EPHA6: variants seen among roughly 807,000 people sequenced by gnomAD.
The protein encoded by EPHA6 is ephrin type-A receptor 6.
A neutral mutation model predicts 112.0 loss-of-function variants in EPHA6; 50 were observed. The ratio of observed to expected loss-of-function variants is 0.45; its 90% CI spans 0.36 to 0.56. The LOEUF is 0.56. EPHA6 is among the 20% of genes least tolerant of loss of function. EPHA6 has a pLI of 0.00. For missense variants in EPHA6, 1,280 were observed against 1,417.4 expected, an observed-to-expected ratio of 0.90 and a Z score of 1.56; for synonymous variants, 529 against 490.7, an observed-to-expected ratio of 1.08 and a Z score of -1.03.
At chr3:96,934,472 C>T (rs896225183) in intron 2 of EPHA6, among the ~76,000 whole-genome samples, 3 of 151,322 alleles carry the variant, frequency 2.0e-5, no homozygotes, top group African/African-American at 7.3e-5. Context: ...ATTTTATTAA[C>T]CATGGTTTTA....
At chr3:97,482,150 G>A (rs545048104) in intron 9 of EPHA6, among the ~76,000 whole-genome samples, 85 of 152,280 alleles carry the variant, frequency 5.6e-4, no homozygotes, top group African/African-American at 1.9e-3. Flanking sequence ...AAAAAAATGT[G>A]ATATTTACTG....
intron 16 of EPHA6, among the ~76,000 whole-genome samples, chr3:97,739,250 T>C (rs997710955): frequency 3.9e-5 from 6 of 152,056 alleles, no homozygotes; most frequent in Non-Finnish European, 8.8e-5. Flanking sequence ...CTGCAACTCT[T>C]CTTAAATTCT....
intron 16 of EPHA6, among the ~76,000 whole-genome samples, chr3:97,744,402 A>C (rs537468299): frequency 8.0e-4 from 121 of 152,172 alleles, no homozygotes; most frequent in African/African-American, 2.8e-3. Context: ...TCATGTGAGG[A>C]TAATAGTACC....
At chr3:97,055,432 G>A (rs566433077) in intron 3 of EPHA6, among the ~76,000 whole-genome samples, 2 of 152,212 alleles carry the variant, frequency 1.3e-5, no homozygotes, top group East Asian at 1.9e-4. Flanking sequence ...TAAGATTCAT[G>A]AGTAGAAATG....
At chr3:97,544,394 T>G (rs1333710349) in intron 11 of EPHA6, among the ~76,000 whole-genome samples, 2 of 152,194 alleles carry the variant, frequency 1.3e-5, no homozygotes, top group African/African-American at 2.4e-5. Context: ...TGGATTACAT[T>G]TATTGATTTG....
rs1211127606 is a variant in EPHA6, at chr3:97,253,117, A to G, written c.1606+8830A>G. On this transcript the variant is annotated intron_variant, in intron 5 of 17. Coordinates refer to ENST00000389672, the MANE Select transcript of EPHA6 (RefSeq NM_001080448.3). ...TGTCTACGTGAAAAAAAACAAAATTAAATATATAATATCTGATTCAATATA... is the reference window on the plus strand; with the variant it reads ...TGTCTACGTGAAAAAAAACAAAATTGAATATATAATATCTGATTCAATATA... 2.0e-5 allele frequency among the ~76,000 whole-genome samples: 3 copies of G among 152,240 alleles called. No homozygotes were observed. The East Asian group carries it at 5.8e-4, about 29-fold the overall frequency.
At chr3:96,981,608 G>C (rs2107820519) in intron 2 of EPHA6, among the ~76,000 whole-genome samples, 1 of 152,170 alleles carries the variant, frequency 6.6e-6, no homozygotes, top group African/African-American at 2.4e-5. Flanking sequence ...CTATTGATTG[G>C]AATAATTTCA....
chr3:97,648,226 T>C (rs1352201891), intron 14 of EPHA6: 2 of 740,456 alleles, frequency 2.7e-6, no homozygotes, highest in Admixed American at 2.0e-5. Context: ...ATTGACAATA[T>C]ATAATCTGCA....
chr3:97,732,832 T>C (rs920201304), intron 15 of EPHA6, among the ~76,000 whole-genome samples: 4 of 152,062 alleles, frequency 2.6e-5, no homozygotes, highest in African/African-American at 9.7e-5. Context: ...TTTATCACTG[T>C]CACTCTTGCT....
intron 11 of EPHA6, among the ~76,000 whole-genome samples, chr3:97,582,465 C>T (rs1270519714): frequency 1.3e-5 from 2 of 152,156 alleles, no homozygotes; most frequent in Non-Finnish European, 2.9e-5. Context: ...TGCACATTTG[C>T]AGGTAGAGAC....
intron 3 of EPHA6, among the ~76,000 whole-genome samples, chr3:97,168,870 A>G (rs1406622940): frequency 1.3e-5 from 2 of 152,290 alleles, no homozygotes; most frequent in African/African-American, 4.8e-5. Context: ...AAAATATGGA[A>G]GCAACTTCGG....
chr3:97,313,361 G>T (rs2081649361), intron 5 of EPHA6, among the ~76,000 whole-genome samples: 1 of 151,502 alleles, frequency 6.6e-6, no homozygotes, highest in Non-Finnish European at 1.5e-5. Context: ...TGGGAGTGCA[G>T]ACACCTCTTC....
At chr3:97,308,975 T>A (rs1298770268) in intron 5 of EPHA6, among the ~76,000 whole-genome samples, 1 of 151,754 alleles carries the variant, frequency 6.6e-6, no homozygotes, top group East Asian at 1.9e-4. Flanking sequence ...TCACTTATCC[T>A]CTTGATATTT....
At chr3:97,375,243 A>G (rs187481895) in intron 5 of EPHA6, among the ~76,000 whole-genome samples, 257 of 152,316 alleles carry the variant, frequency 1.7e-3, no homozygotes, top group African/African-American at 5.9e-3. Flanking sequence ...GGGTGTTTTC[A>G]GAAACAGTTG....
At chr3:96,952,409 A>G (rs1024598800) in intron 2 of EPHA6, among the ~76,000 whole-genome samples, 1 of 152,100 alleles carries the variant, frequency 6.6e-6, no homozygotes, top group Non-Finnish European at 1.5e-5. Flanking sequence ...TGCAGTTCTC[A>G]CAGGGCTAGG....
chr3:97,527,575 C>G (rs551792132), intron 10 of EPHA6, among the ~76,000 whole-genome samples: 2 of 152,248 alleles, frequency 1.3e-5, no homozygotes, highest in East Asian at 1.9e-4. Flanking sequence ...AACACACAGA[C>G]CCTATATTGG....
At chr3:97,632,866 G>C (rs2093915263) in intron 13 of EPHA6, among the ~76,000 whole-genome samples, 2 of 152,062 alleles carry the variant, frequency 1.3e-5, no homozygotes, top group Non-Finnish European at 2.9e-5. Context: ...TTTAAAACAA[G>C]TCACAGGGTA....
chr3:97,479,209 C>A (rs1030348776), intron 8 of EPHA6, 85 bp from the exon 9 acceptor site: 2 of 743,572 alleles, frequency 2.7e-6, no homozygotes, highest in African/African-American at 1.8e-5. Flanking sequence ...GAAATTTGTT[C>A]ATAGATTATA....
intron 3 of EPHA6, among the ~76,000 whole-genome samples, chr3:97,001,953 T>C (rs2043681927): frequency 6.6e-6 from 1 of 152,078 alleles, no homozygotes; most frequent in Non-Finnish European, 1.5e-5. Flanking sequence ...ACTGTTCTGT[T>C]GGACAGAGAT....
Sources: allele counts gnomAD v4.1 joint callset (sites outside exome capture counted in the v4.1 genomes callset), GRCh38; gene constraint gnomAD v4.1.1; transcripts MANE v1.5; gene names NCBI Gene and HGNC (gene_info 2026-07-23, HGNC 2026-07-21).